The following KIF26B variants were observed in gnomAD, a reference collection of about 807,000 sequenced individuals.
KIF26B encodes kinesin-like protein KIF26B.
KIF26B carries 63 observed loss-of-function variants against 151.2 expected under a neutral mutation model. That is an observed-to-expected ratio of 0.42 (90% CI 0.34 to 0.51). The LOEUF is 0.51. KIF26B is among the 20% of genes least tolerant of loss of function. The pLI, the probability that KIF26B is intolerant of heterozygous loss-of-function variation, is 0.07. For synonymous variants in KIF26B, 1,357 were observed against 1,262.1 expected (o/e 1.08, Z -1.59); for missense variants, 2,813 against 2,913.6 (o/e 0.97, Z 0.79).
chr1:245,623,050 T>TTTG (rs1558240915), intron 9 of KIF26B, among the ~76,000 whole-genome samples: 1 of 131,958 alleles, frequency 7.6e-6, no homozygotes, highest in Non-Finnish European at 1.6e-5. Context: ...TTTTTTTTTT[T>TTTG]TTGTTGTTTT....
At chr1:245,332,827 C>T (rs750559576) in intron 2 of KIF26B, among the ~76,000 whole-genome samples, 3 of 152,194 alleles carry the variant, frequency 2.0e-5, no homozygotes, top group Non-Finnish European at 4.4e-5. Flanking sequence ...TGCCTCTCCT[C>T]GGCACAGGGA....
chr1:245,490,876 G>A (rs1660395066), intron 4 of KIF26B, among the ~76,000 whole-genome samples: 2 of 152,176 alleles, frequency 1.3e-5, no homozygotes, highest in Non-Finnish European at 2.9e-5. Context: ...AGAATCCCAG[G>A]TGTTTTGTGA....
chr1:245,548,250 C>G (rs146061216), intron 5 of KIF26B, among the ~76,000 whole-genome samples: 230 of 151,980 alleles, frequency 1.5e-3, no homozygotes, highest in African/African-American at 5.3e-3. Context: ...AGTGCCAGCT[C>G]AGTGCTAGAA....
chr1:245,574,756 C>G (rs1224600396), intron 5 of KIF26B, among the ~76,000 whole-genome samples: 1 of 152,108 alleles, frequency 6.6e-6, no homozygotes, highest in Non-Finnish European at 1.5e-5. Flanking sequence ...TCTCTGTTGC[C>G]CCAAGTATGC....
At chr1:245,323,374 C>G (rs1558388711) in intron 2 of KIF26B, among the ~76,000 whole-genome samples, 1 of 151,992 alleles carries the variant, frequency 6.6e-6, no homozygotes, top group Non-Finnish European at 1.5e-5. Context: ...ATACAATTAC[C>G]AAGTTTCTGA....
chr1:245,494,794 T>G (rs1357124144), intron 4 of KIF26B, among the ~76,000 whole-genome samples: 3 of 152,118 alleles, frequency 2.0e-5, no homozygotes, highest in African/African-American at 7.2e-5. Flanking sequence ...AATCACAGCA[T>G]TTTGGGAGGC....
rs567368343 is a variant in KIF26B, at chr1:245,661,115, T to C, written c.2258+14835T>C. On this transcript the variant is annotated intron_variant, in intron 10 of 14. Coordinates refer to ENST00000407071, the MANE Select transcript of KIF26B (RefSeq NM_018012.4). ...GATTCTCCTGCCTCAGCCCCCCGAG[T>C]AGCCGGGATTATTTGCGCCTGCCAC... is the stretch of plus-strand genomic sequence containing the variant. 1.3e-3 allele frequency among the ~76,000 whole-genome samples: 203 copies of C among 151,854 alleles called. 1 individual carries two copies. The highest frequency in any genetic ancestry group is 4.7e-3 in the African/African-American group (193 of 41,398).
At chr1:245,346,188 C>T (rs971391411) in intron 2 of KIF26B, among the ~76,000 whole-genome samples, 2 of 152,130 alleles carry the variant, frequency 1.3e-5, no homozygotes, top group African/African-American at 4.8e-5. Flanking sequence ...CGTGATCCAC[C>T]TGCCTCGGCC....
intron 2 of KIF26B, among the ~76,000 whole-genome samples, chr1:245,159,861 A>G (rs1430483952): frequency 6.6e-6 from 1 of 152,094 alleles, no homozygotes; most frequent in Non-Finnish European, 1.5e-5. Context: ...ACTCCAATGG[A>G]GGATAGGGCT....
At chr1:245,561,682 C>A (rs562510611) in intron 5 of KIF26B, among the ~76,000 whole-genome samples, 37 of 152,230 alleles carry the variant, frequency 2.4e-4, no homozygotes, top group Non-Finnish European at 4.7e-4. Flanking sequence ...TTGCATATAC[C>A]AACTCATTAA....
intron 2 of KIF26B, among the ~76,000 whole-genome samples, chr1:245,288,644 C>T (rs1175611081): frequency 1.3e-5 from 2 of 152,108 alleles, no homozygotes. Context: ...GGTGGGGTTC[C>T]GAATGGCTTA....
intron 2 of KIF26B, among the ~76,000 whole-genome samples, chr1:245,242,257 T>C (rs1000946068): frequency 1.3e-5 from 2 of 152,190 alleles, no homozygotes; most frequent in African/African-American, 4.8e-5. Flanking sequence ...GGGAACATAT[T>C]GAATGTCCGG....
chr1:245,627,181 T>G (rs2043732659), intron 9 of KIF26B, among the ~76,000 whole-genome samples: 1 of 152,216 alleles, frequency 6.6e-6, no homozygotes, highest in South Asian at 2.1e-4. Context: ...GCCTCCAGCT[T>G]GTTTCTTTGT....
intron 4 of KIF26B, among the ~76,000 whole-genome samples, chr1:245,499,664 A>C (rs1362997986): frequency 1.3e-5 from 2 of 152,238 alleles, no homozygotes; most frequent in Non-Finnish European, 2.9e-5. Flanking sequence ...CAGAGAGGCA[A>C]AGTGAGCAGC....
intron 3 of KIF26B, among the ~76,000 whole-genome samples, chr1:245,373,117 T>C (rs1048531687): frequency 6.6e-6 from 1 of 152,196 alleles, no homozygotes; most frequent in Non-Finnish European, 1.5e-5. Flanking sequence ...TTGATCTCTT[T>C]TGCTAAATCA....
At chr1:245,652,536 A>C (rs531552575) in intron 10 of KIF26B, among the ~76,000 whole-genome samples, 1 of 152,256 alleles carries the variant, frequency 6.6e-6, no homozygotes, top group South Asian at 2.1e-4. Context: ...AGCTATAGAA[A>C]TCTCGAGAGA....
chr1:245,701,958 A>C (rs557564707), intron 14 of KIF26B, among the ~76,000 whole-genome samples: 2 of 152,304 alleles, frequency 1.3e-5, no homozygotes, highest in Admixed American at 6.5e-5. Flanking sequence ...GCCTGGAATG[A>C]TACAGACTTT....
intron 4 of KIF26B, among the ~76,000 whole-genome samples, chr1:245,448,690 CTG>C (rs1406146536): frequency 6.6e-6 from 1 of 152,196 alleles, no homozygotes; most frequent in African/African-American, 2.4e-5. Flanking sequence ...TCTGGAAACA[CTG>C]TCTTAACTCC....
At chr1:245,668,782 TG>T (rs1270232672) in intron 10 of KIF26B, among the ~76,000 whole-genome samples, 1 of 152,192 alleles carries the variant, frequency 6.6e-6, no homozygotes, top group Non-Finnish European at 1.5e-5. Flanking sequence ...CTCTGCTTCC[TG>T]GGTTCAAGTG....
Sources: allele counts gnomAD v4.1 joint callset (sites outside exome capture counted in the v4.1 genomes callset), GRCh38; gene constraint gnomAD v4.1.1; transcripts MANE v1.5; gene names NCBI Gene and HGNC (gene_info 2026-07-23, HGNC 2026-07-21).